AFF3: variants seen among roughly 807,000 people sequenced by gnomAD.
The protein encoded by AFF3 is AF4/FMR2 family member 3.
Under a neutral mutation model 129.7 loss-of-function variants are expected in AFF3, and 32 were observed. The observed-to-expected ratio is 0.25, with a 90% CI of 0.19 to 0.33. The LOEUF is 0.33. AFF3 is among the 10% of genes least tolerant of loss of function. AFF3 has a pLI of 1.00. For missense variants in AFF3, 1,373 were observed against 1,592.0 expected, an observed-to-expected ratio of 0.86 and a Z score of 2.34; for synonymous variants, 644 against 635.4, an observed-to-expected ratio of 1.01 and a Z score of -0.20.
intron 7 of AFF3, among the ~76,000 whole-genome samples, chr2:99,974,645 A>G (rs931363849): frequency 2.6e-5 from 4 of 152,236 alleles, no homozygotes; most frequent in Admixed American, 2.6e-4. Context: ...TGGAAAATGG[A>G]AATGATTTTT....
chr2:99,812,533 T>C (rs1686873523), intron 8 of AFF3, among the ~76,000 whole-genome samples: 1 of 152,168 alleles, frequency 6.6e-6, no homozygotes, highest in South Asian at 2.1e-4. Context: ...GTCATATTGA[T>C]GACAGATACG....
At chr2:99,922,278 T>A (rs908318856) in intron 7 of AFF3, among the ~76,000 whole-genome samples, 8 of 152,166 alleles carry the variant, frequency 5.3e-5, no homozygotes, top group African/African-American at 1.7e-4. Context: ...TATTACAATA[T>A]CCACATTCAT....
chr2:99,787,368 C>T (rs1684877717), intron 8 of AFF3, among the ~76,000 whole-genome samples: 1 of 152,060 alleles, frequency 6.6e-6, no homozygotes, highest in African/African-American at 2.4e-5. Flanking sequence ...TAGCTGTGAC[C>T]CCCACGTTAG....
chr2:100,123,526 T>C (rs1692065231), intron 2 of AFF3, among the ~76,000 whole-genome samples: 1 of 152,226 alleles, frequency 6.6e-6, no homozygotes, highest in Non-Finnish European at 1.5e-5. Context: ...ATACTCCAGT[T>C]CAAATTTTGG....
At chr2:99,945,869 T>C (rs1675514713) in intron 7 of AFF3, among the ~76,000 whole-genome samples, 1 of 152,110 alleles carries the variant, frequency 6.6e-6, no homozygotes, top group Admixed American at 6.5e-5. Context: ...TCGGCACCTA[T>C]CAGAAAACCT....
At chr2:99,718,952 G>T (rs969966264) in intron 11 of AFF3, among the ~76,000 whole-genome samples, 2 of 151,206 alleles carry the variant, frequency 1.3e-5, no homozygotes, top group Non-Finnish European at 2.9e-5. Context: ...GGTTTTCACC[G>T]TGTTAAGCCA....
intron 11 of AFF3, among the ~76,000 whole-genome samples, chr2:99,703,645 C>CTTT (rs35535652): frequency 1.4e-5 from 2 of 146,964 alleles, no homozygotes; most frequent in Non-Finnish European, 1.5e-5. Context: ...TCATTTCTCT[C>CTTT]TTTTTTTTTT....
intron 10 of AFF3, among the ~76,000 whole-genome samples, chr2:99,738,846 T>G (rs570821826): frequency 6.6e-6 from 1 of 152,174 alleles, no homozygotes; most frequent in African/African-American, 2.4e-5. Flanking sequence ...AAGAAAAATA[T>G]AAAGCACTGT....
intron 20 of AFF3, among the ~76,000 whole-genome samples, chr2:99,562,298 G>C (rs1044483830): frequency 1.3e-5 from 2 of 152,112 alleles, no homozygotes; most frequent in African/African-American, 4.8e-5. Flanking sequence ...TGACACAAAT[G>C]TTGGATTTTT....
At position 99,546,071 on chromosome 2, in the gene AFF3, T is replaced by A. The variant is rs1559456782; in HGVS notation, c.*5403A>T. On this transcript the variant is annotated 3_prime_UTR_variant, in exon 25 of 25. Coordinates refer to ENST00000672756, the MANE Select transcript of AFF3 (RefSeq NM_001386135.1). The stretch of plus-strand genomic sequence containing the variant: ...GGACATAAACTCTGGTTCCAAATGG[T>A]TGGAAGTGCAGTTTATGTGGTCAGG... 1.3e-5 allele frequency: 3 copies of A among 227,340 alleles called. No homozygotes were observed. Among genetic ancestry groups the A allele is most frequent in the Non-Finnish European group, 2.6e-5 (3 of 114,432 alleles). 14.1% of individuals were successfully genotyped at this position (227,340 alleles called of 1,614,324 possible).
intron 4 of AFF3, among the ~76,000 whole-genome samples, chr2:100,036,954 C>T (rs183649146): frequency 2.6e-5 from 4 of 152,086 alleles, no homozygotes; most frequent in African/African-American, 4.8e-5. Flanking sequence ...CTGTGCAGAG[C>T]GGCAGGAGGT....
At chr2:99,896,739 G>T (rs539523580) in intron 7 of AFF3, among the ~76,000 whole-genome samples, 3 of 137,564 alleles carry the variant, frequency 2.2e-5, no homozygotes, top group East Asian at 4.8e-4. Context: ...AGGTTCAAGC[G>T]ATTCTCCTCC....
intron 11 of AFF3, among the ~76,000 whole-genome samples, chr2:99,712,733 G>T (rs1292516069): frequency 1.3e-5 from 2 of 152,110 alleles, no homozygotes; most frequent in Non-Finnish European, 2.9e-5. Flanking sequence ...GTTTTGAGGT[G>T]GGTATATACC....
In AFF3 at chr2:99,593,704, G is replaced by A. The variant is rs1451684970; in HGVS notation, c.1957C>T (p.Arg653Trp). ...SSVTCEKRRT[R>W]GLSRIVPKSK... ...TTGGGGACGATCCTGCTTAGCCCCC[G>A]CGTGCGGCGCTTCTCGCAGGTCACG... The change falls in exon 15 of 25, where the codon CGG becomes TGG. Residue 653 changes from arginine (R) to tryptophan (W), a missense_variant. By Grantham distance (101) the Arg-to-Trp change is moderately radical. Coordinates refer to ENST00000672756, the MANE Select transcript of AFF3 (RefSeq NM_001386135.1). 1 of 1,609,340 alleles carries A rather than the reference G, an allele frequency of 6.2e-7. No homozygotes were observed. Among genetic ancestry groups the A allele is most frequent in the Admixed American group, 1.7e-5 (1 of 59,652 alleles).
chr2:99,857,631 T>A (rs1243829377), intron 7 of AFF3, among the ~76,000 whole-genome samples: 1 of 152,148 alleles, frequency 6.6e-6, no homozygotes, highest in Non-Finnish European at 1.5e-5. Flanking sequence ...CACACACAAA[T>A]CCCAGCTTGC....
At chr2:99,643,217 G>A (rs1443215571) in intron 13 of AFF3, among the ~76,000 whole-genome samples, 4 of 151,738 alleles carry the variant, frequency 2.6e-5, no homozygotes, top group East Asian at 1.9e-4. Flanking sequence ...ACGCCACCAC[G>A]CCCAGCTAAT....
At chr2:99,868,589 G>A (rs1209927670) in intron 7 of AFF3, among the ~76,000 whole-genome samples, 1 of 152,174 alleles carries the variant, frequency 6.6e-6, no homozygotes, top group Non-Finnish European at 1.5e-5. Context: ...CCTGGAGGAA[G>A]AGGACCAAGA....
At chr2:100,118,949 C>T (rs534189322) in intron 2 of AFF3, among the ~76,000 whole-genome samples, 77 of 152,082 alleles carry the variant, frequency 5.1e-4, no homozygotes, top group Admixed American at 2.1e-3. Context: ...TACAGGCGTG[C>T]GCCACCACAC....
intron 11 of AFF3, among the ~76,000 whole-genome samples, chr2:99,721,517 G>C (rs889778798): frequency 7.2e-6 from 1 of 138,850 alleles, no homozygotes; most frequent in Non-Finnish European, 1.5e-5. Context: ...GACAGAGTGA[G>C]ACTCTGTCTC....
Sources: allele counts gnomAD v4.1 joint callset (sites outside exome capture counted in the v4.1 genomes callset), GRCh38; gene constraint gnomAD v4.1.1; transcripts MANE v1.5; gene names NCBI Gene and HGNC (gene_info 2026-07-23, HGNC 2026-07-21).